ADGRL3: variants seen among roughly 807,000 people sequenced by gnomAD.
ADGRL3 encodes adhesion G protein-coupled receptor L3.
ADGRL3 carries 62 observed loss-of-function variants against 153.5 expected under a neutral mutation model. The ratio of observed to expected loss-of-function variants is 0.40; its 90% CI spans 0.33 to 0.50. ADGRL3 has a LOEUF of 0.50. Ranked by LOEUF, ADGRL3 falls within the 20% of genes least tolerant of loss-of-function variation. The pLI, the probability that ADGRL3 is intolerant of heterozygous loss-of-function variation, is 0.47. For missense variants in ADGRL3, 1,641 were observed against 1,859.4 expected (o/e 0.88, Z 2.16); for synonymous variants, 710 against 672.5 (o/e 1.06, Z -0.86).
intron 2 of ADGRL3, among the ~76,000 whole-genome samples, chr4:61,407,382 C>T (rs918379273): frequency 5.3e-5 from 8 of 151,962 alleles, no homozygotes; most frequent in African/African-American, 1.9e-4. Flanking sequence ...TAGTCTCTGC[C>T]TTTTAAAACT....
chr4:62,036,736 T>G (rs547846423), intron 23 of ADGRL3, among the ~76,000 whole-genome samples: 1 of 152,212 alleles, frequency 6.6e-6, no homozygotes, highest in African/African-American at 2.4e-5. Context: ...CGAAATCAAA[T>G]ACATAAAGGC....
intron 1 of ADGRL3, among the ~76,000 whole-genome samples, chr4:61,377,172 G>A (rs973614813): frequency 6.6e-5 from 10 of 151,854 alleles, no homozygotes; most frequent in South Asian, 2.1e-4. Context: ...GGAATGGTAC[G>A]GAATGGTATA....
chr4:61,664,522 T>A (rs2150648758), intron 5 of ADGRL3, among the ~76,000 whole-genome samples: 1 of 151,998 alleles, frequency 6.6e-6, no homozygotes, highest in East Asian at 1.9e-4. Flanking sequence ...GCTACAATAC[T>A]TTTTTTTAAT....
intron 21 of ADGRL3, among the ~76,000 whole-genome samples, chr4:62,011,228 A>G (rs1198984623): frequency 6.6e-6 from 1 of 152,148 alleles, no homozygotes; most frequent in Non-Finnish European, 1.5e-5. Flanking sequence ...ATGCATACAA[A>G]TTTATTTATT....
chr4:61,223,886 G>A (rs1746748707), intron 1 of ADGRL3, among the ~76,000 whole-genome samples: 1 of 152,102 alleles, frequency 6.6e-6, no homozygotes, highest in South Asian at 2.1e-4. Flanking sequence ...TCTGAATTAT[G>A]AGTTTATAAA....
intron 20 of ADGRL3, among the ~76,000 whole-genome samples, chr4:61,996,787 A>G (rs2099123173): frequency 6.6e-6 from 1 of 152,166 alleles, no homozygotes; most frequent in African/African-American, 2.4e-5. Flanking sequence ...TGAATCTTGA[A>G]AACTTTAAAA....
chr4:61,260,654 C>T (rs144898612), intron 1 of ADGRL3, among the ~76,000 whole-genome samples: 347 of 152,208 alleles, frequency 2.3e-3, no homozygotes, highest in Non-Finnish European at 3.0e-3. Context: ...GAAATTTGAC[C>T]GTCACTTGAA....
chr4:61,788,752 T>C (rs2097306295), intron 8 of ADGRL3, among the ~76,000 whole-genome samples: 1 of 152,166 alleles, frequency 6.6e-6, no homozygotes, highest in South Asian at 2.1e-4. Context: ...TACAAGACCA[T>C]GTTAATGTAG....
At chr4:61,458,616 T>C (rs1048146709) in intron 2 of ADGRL3, among the ~76,000 whole-genome samples, 2 of 151,584 alleles carry the variant, frequency 1.3e-5, no homozygotes, top group Admixed American at 6.6e-5. Context: ...TATCAACTTA[T>C]TGTAACTCTT....
intron 2 of ADGRL3, among the ~76,000 whole-genome samples, chr4:61,451,263 T>G (rs2097669996): frequency 6.6e-6 from 1 of 152,122 alleles, no homozygotes; most frequent in South Asian, 2.1e-4. Flanking sequence ...CCTATAAAAA[T>G]CCATTAACCC....
rs113010800 is a variant in ADGRL3, at chr4:61,939,667, G to A, written c.2419+3622G>A. The stretch of plus-strand genomic sequence containing the variant: ...GTATTTTTAGTAGAGACAGGGTTTC[G>A]CCATATTGGTCAGGCTGGTCTTGAA... On this transcript the variant is annotated intron_variant, in intron 15 of 26. Transcript: ENST00000683033. Among the ~76,000 whole-genome samples, 957 of 151,800 alleles carry A rather than the reference G, an allele frequency of 6.3e-3. 6 individuals carry two copies. The highest frequency in any genetic ancestry group is 0.019 in the African/African-American group (797 of 41,414).
intron 2 of ADGRL3, among the ~76,000 whole-genome samples, chr4:61,461,365 A>G (rs1042752439): frequency 2.0e-5 from 3 of 152,180 alleles, no homozygotes; most frequent in Admixed American, 2.0e-4. Context: ...TATAGCTAAA[A>G]GACAAGATTT....
At chr4:61,348,768 G>T (rs549689689) in intron 1 of ADGRL3, among the ~76,000 whole-genome samples, 60 of 152,092 alleles carry the variant, frequency 3.9e-4, no homozygotes, top group African/African-American at 1.4e-3. Flanking sequence ...TAAACTGGAA[G>T]ACCTGACAAT....
At chr4:61,410,454 G>A (rs2097071988) in intron 2 of ADGRL3, among the ~76,000 whole-genome samples, 1 of 151,984 alleles carries the variant, frequency 6.6e-6, no homozygotes, top group Non-Finnish European at 1.5e-5. Context: ...GAAAAAATAA[G>A]GATATTCTCT....
intron 8 of ADGRL3, among the ~76,000 whole-genome samples, chr4:61,748,807 C>G: frequency 6.6e-6 from 1 of 151,822 alleles, no homozygotes; most frequent in East Asian, 1.9e-4. Context: ...TGGGCAAGGA[C>G]TTCATGTCTA....
intron 8 of ADGRL3, among the ~76,000 whole-genome samples, chr4:61,787,780 T>C (rs2097295020): frequency 6.6e-6 from 1 of 152,138 alleles, no homozygotes; most frequent in African/African-American, 2.4e-5. Context: ...CAAAAAATTA[T>C]GACAGATTCA....
chr4:61,813,028 T>C (rs1405991478), intron 8 of ADGRL3, among the ~76,000 whole-genome samples: 3 of 152,174 alleles, frequency 2.0e-5, no homozygotes, highest in South Asian at 2.1e-4. Context: ...TATTTGTACA[T>C]TGGGTGCCAG....
intron 9 of ADGRL3, among the ~76,000 whole-genome samples, chr4:61,856,760 A>G (rs2098272434): frequency 6.6e-6 from 1 of 150,890 alleles, no homozygotes; most frequent in South Asian, 2.1e-4. Flanking sequence ...ATGTGCCACT[A>G]CATATGGCTG....
At chr4:61,838,735 TTTATC>T (rs1219894583) in intron 9 of ADGRL3, among the ~76,000 whole-genome samples, 1 of 152,230 alleles carries the variant, frequency 6.6e-6, no homozygotes, top group African/African-American at 2.4e-5. Flanking sequence ...GTCTATGCCT[TTTATC>T]TTTAAGTAAA....
Sources: allele counts gnomAD v4.1 joint callset (sites outside exome capture counted in the v4.1 genomes callset), GRCh38; gene constraint gnomAD v4.1.1; transcripts MANE v1.5; gene names NCBI Gene and HGNC (gene_info 2026-07-23, HGNC 2026-07-21).